The following RERE variants were observed in gnomAD, a reference collection of about 807,000 sequenced individuals.
The protein encoded by RERE is arginine-glutamic acid dipeptide repeats protein.
RERE carries 40 observed loss-of-function variants against 146.1 expected under a neutral mutation model. The observed-to-expected ratio is 0.27, with a 90% confidence interval of 0.21 to 0.36. RERE has a LOEUF of 0.36. Among genes scored for constraint, RERE ranks in the 10% least tolerant of loss-of-function variants. The pLI, the probability that RERE is intolerant of heterozygous loss-of-function variation, is 1.00. For synonymous variants in RERE, 1,003 were observed against 866.0 expected, an observed-to-expected ratio of 1.16 and a Z score of -2.78; for missense variants, 1,933 against 2,138.7, an observed-to-expected ratio of 0.90 and a Z score of 1.90.
chr1:8,761,426 T>A (rs1210664732), intron 1 of RERE, among the ~76,000 whole-genome samples: 2 of 152,220 alleles, frequency 1.3e-5, no homozygotes, highest in Non-Finnish European at 2.9e-5. Context: ...TTTATTAGCA[T>A]CTTCTTCCTC....
intron 4 of RERE, among the ~76,000 whole-genome samples, chr1:8,569,748 C>T (rs1335943362): frequency 6.6e-6 from 1 of 152,126 alleles, no homozygotes; most frequent in Non-Finnish European, 1.5e-5. Context: ...AAACATTAGA[C>T]AGGCATGGTG....
Position 8,657,773 on chromosome 1 carries a change from G to A in RERE, c.-144-1332C>T, listed in dbSNP as rs569149215. Among the ~76,000 whole-genome samples, 3 of 151,354 alleles carry A rather than the reference G, an allele frequency of 2.0e-5. No homozygotes were observed. In the East Asian group the frequency reaches 5.8e-4, roughly 30 times the overall value. On this transcript the variant is annotated intron_variant, in intron 1 of 22. Transcript: ENST00000400908. Reference sequence around the variant, plus strand: ...GAGGCAGGAGAATCGCTTGAACCTAGGAGGCAGAGGTTACAGTGAGCCGAG... The same window carrying A: ...GAGGCAGGAGAATCGCTTGAACCTAAGAGGCAGAGGTTACAGTGAGCCGAG...
chr1:8,670,757 C>A (rs1337529876), intron 1 of RERE, among the ~76,000 whole-genome samples: 1 of 152,104 alleles, frequency 6.6e-6, no homozygotes, highest in African/African-American at 2.4e-5. Context: ...AAGCAGTGAG[C>A]GCAAGAAGAA....
At chr1:8,673,751 A>G (rs1289701785) in intron 1 of RERE, among the ~76,000 whole-genome samples, 2 of 152,240 alleles carry the variant, frequency 1.3e-5, no homozygotes, top group East Asian at 1.9e-4. Context: ...GCTTAAGGCT[A>G]TAATATTTTT....
intron 3 of RERE, among the ~76,000 whole-genome samples, chr1:8,616,508 G>T (rs921868662): frequency 6.6e-6 from 1 of 152,080 alleles, no homozygotes; most frequent in Admixed American, 6.5e-5. Flanking sequence ...TTCTTGCACA[G>T]TAGATGGCTG....
At chr1:8,594,799 A>C (rs1023561555) in intron 4 of RERE, among the ~76,000 whole-genome samples, 3 of 152,200 alleles carry the variant, frequency 2.0e-5, no homozygotes, top group Non-Finnish European at 2.9e-5. Flanking sequence ...GATGGTAAAG[A>C]AGGTTGGCAG....
intron 1 of RERE, among the ~76,000 whole-genome samples, chr1:8,779,962 G>A (rs1232160715): frequency 1.3e-5 from 2 of 152,148 alleles, no homozygotes; most frequent in African/African-American, 4.8e-5. Context: ...AGGTCGAGGC[G>A]GGCAGATCAC....
Position 8,559,509 on chromosome 1 carries a change from C to CA in RERE, c.523-1987dup, listed in dbSNP as rs1169154185. Among the ~76,000 whole-genome samples the CA allele has an allele frequency of 3.3e-5, 5 of 150,776 alleles. No homozygotes were observed. The East Asian group carries it at 9.7e-4, about 29-fold the overall frequency. Reference sequence around the variant, plus strand: ...GCCTTTATATTAAAATTTCTGATGGCAAAAAAAACTTTCTACACTGTTTAT... The same window carrying CA: ...GCCTTTATATTAAAATTTCTGATGGCAAAAAAAAACTTTCTACACTGTTTAT... On this transcript the variant is annotated intron_variant, in intron 4 of 22. Transcript: ENST00000400908.
chr1:8,658,553 C>T (rs761512293), intron 1 of RERE, among the ~76,000 whole-genome samples: 3 of 151,942 alleles, frequency 2.0e-5, no homozygotes, highest in Non-Finnish European at 2.9e-5. Flanking sequence ...GTCAGGAGGT[C>T]GAGACCATCC....
At chr1:8,587,020 C>T (rs1338807047) in intron 4 of RERE, among the ~76,000 whole-genome samples, 1 of 152,148 alleles carries the variant, frequency 6.6e-6, no homozygotes, top group Non-Finnish European at 1.5e-5. Flanking sequence ...CTTGCATTAA[C>T]TCATAATAAA....
At chr1:8,583,107 A>G (rs140739088) in intron 4 of RERE, among the ~76,000 whole-genome samples, 32 of 152,316 alleles carry the variant, frequency 2.1e-4, no homozygotes, top group African/African-American at 7.5e-4. Context: ...GTTAAGATTT[A>G]AGAACTCAAG....
In RERE at chr1:8,650,274, GA is replaced by G. The variant is rs1314562726; in HGVS notation, c.325+5698del. 3.3e-5 allele frequency among the ~76,000 whole-genome samples: 5 copies of G among 152,272 alleles called. No individual in the cohort carries two copies. The East Asian group carries it at 9.6e-4, about 29-fold the overall frequency. ...AACAATTTAAATATAGCTTGGGACAGAAAAGTATGATTATATGAAAGCCTAC... is the reference window on the plus strand; with the variant it reads ...AACAATTTAAATATAGCTTGGGACAGAAAGTATGATTATATGAAAGCCTAC... On this transcript the variant is annotated intron_variant, in intron 2 of 22. Transcript: ENST00000400908.
intron 1 of RERE, among the ~76,000 whole-genome samples, chr1:8,742,867 C>T (rs4908509): frequency 2.1e-5 from 2 of 93,178 alleles, no homozygotes; most frequent in Admixed American, 2.1e-4. Context: ...GATCCTGTCT[C>T]AAAAAAAAAA....
intron 1 of RERE, among the ~76,000 whole-genome samples, chr1:8,781,289 G>A (rs1340303032): frequency 6.6e-6 from 1 of 151,828 alleles, no homozygotes; most frequent in Non-Finnish European, 1.5e-5. Context: ...CCTGGAGATG[G>A]AGGTTGCAGT....
rs572911001 is a variant in RERE, at chr1:8,412,123, G to A, written c.1284+10604C>T. Among the ~76,000 whole-genome samples, 16 of 152,128 alleles carry A rather than the reference G, an allele frequency of 1.1e-4. No homozygotes were observed. In the South Asian group the frequency reaches 2.3e-3, roughly 22 times the overall value. The stretch of plus-strand genomic sequence containing the variant: ...GCTGGACAGATGCTGCTCCGGCCCC[G>A]AAAATAATCAAACACACAAAAGTTA... On this transcript the variant is annotated intron_variant, in intron 12 of 22. Transcript: ENST00000400908.
chr1:8,502,816 GCTGTGTC>G (rs1645192953), intron 8 of RERE, among the ~76,000 whole-genome samples: 1 of 147,882 alleles, frequency 6.8e-6, no homozygotes, highest in African/African-American at 2.5e-5. Flanking sequence ...TGAAACATGT[GCTGTGTC>G]CACTCAGGGT....
At chr1:8,778,649 C>T (rs1002504436) in intron 1 of RERE, among the ~76,000 whole-genome samples, 3 of 152,004 alleles carry the variant, frequency 2.0e-5, no homozygotes, top group Non-Finnish European at 4.4e-5. Context: ...CCAGCCTGGG[C>T]AACATGGCAA....
chr1:8,725,021 T>C (rs1639933442), intron 1 of RERE, among the ~76,000 whole-genome samples: 2 of 152,062 alleles, frequency 1.3e-5, no homozygotes. Context: ...TTCTAATGAG[T>C]AGTGTATATT....
At chr1:8,660,643 A>C (rs537590165) in intron 1 of RERE, among the ~76,000 whole-genome samples, 7 of 152,296 alleles carry the variant, frequency 4.6e-5, no homozygotes, top group African/African-American at 1.7e-4. Context: ...CAGGATCTCC[A>C]GCTCTTCACA....
Sources: allele counts gnomAD v4.1 joint callset (sites outside exome capture counted in the v4.1 genomes callset), GRCh38; gene constraint gnomAD v4.1.1; transcripts MANE v1.5; gene names NCBI Gene and HGNC (gene_info 2026-07-23, HGNC 2026-07-21).